The following SOAT2 variants were observed in gnomAD, a reference collection of about 807,000 sequenced individuals.
SOAT2 encodes ACAT-2.
SOAT2 carries 87 observed loss-of-function variants against 76.0 expected under a neutral mutation model. That is an observed-to-expected ratio of 1.14 (90% CI 0.96 to 1.37). SOAT2 has a LOEUF of 1.37. Ranked by LOEUF, SOAT2 falls within the 40% of genes most tolerant of loss-of-function variation. The pLI is 0.00. For synonymous variants in SOAT2, 285 were observed against 275.4 expected, an observed-to-expected ratio of 1.03 and a Z score of -0.34; for missense variants, 686 against 682.1, an observed-to-expected ratio of 1.01 and a Z score of -0.06.
chr12:53,119,103 G>A, intron 9 of SOAT2, 21 bp from the exon 10 acceptor site: 1 of 1,613,742 alleles, frequency 6.2e-7, no homozygotes, highest in Non-Finnish European at 8.5e-7. Context: ...CTCCAGTTAT[G>A]TGTCCCCATG....
chr12:53,115,623 C>T lies in SOAT2; in HGVS notation c.677C>T (p.Pro226Leu), dbSNP rs1411517537. The T allele has an allele frequency of 7.1e-6, 11 of 1,558,118 alleles. No homozygotes were observed. Among genetic ancestry groups the T allele is most frequent in the Admixed American group, 1.8e-5 (1 of 54,290 alleles). Residue 226 changes from proline (P) to leucine (L), a missense_variant, in exon 6 of 15, where the codon CCG (proline) becomes CTG (leucine). Coordinates refer to ENST00000301466, the MANE Select transcript of SOAT2 (RefSeq NM_003578.4). ...VHVAVEHQLP[P>L]ASRCVLVFEQ... ...GTGGCCGTGGAGCATCAGCTCCCGC[C>T]GGCCTCCCGTTGTGTCCTGGTCTTC...
At position 53,108,647 on chromosome 12, in the gene SOAT2, A is replaced by G. The variant is rs1301351878; in HGVS notation, c.443+2633A>G. 2.0e-5 allele frequency among the ~76,000 whole-genome samples: 3 copies of G among 152,216 alleles called. No individual in the cohort carries two copies. In the East Asian group the frequency reaches 5.8e-4, roughly 29 times the overall value. Reference sequence around the variant, plus strand: ...GCAAAAAGTGAAAAAGATCACTTCAATCTCCTTTTAGTTCAGTACATGCAG... The same window carrying G: ...GCAAAAAGTGAAAAAGATCACTTCAGTCTCCTTTTAGTTCAGTACATGCAG... On this transcript the variant is annotated intron_variant, in intron 5 of 14. Coordinates refer to ENST00000301466, the MANE Select transcript of SOAT2 (RefSeq NM_003578.4).
intron 5 of SOAT2, among the ~76,000 whole-genome samples, chr12:53,110,079 A>T (rs1474586693): frequency 6.6e-6 from 1 of 152,188 alleles, no homozygotes; most frequent in Non-Finnish European, 1.5e-5. Flanking sequence ...AACTTAAAAC[A>T]ATCCTTTTAC....
rs768536453 is a variant in SOAT2, at chr12:53,119,126, C to T, written c.912C>T (p.Ala304=). The T allele has an allele frequency of 1.2e-6, 2 of 1,613,844 alleles. No homozygotes were observed. Among genetic ancestry groups the T allele is most frequent in the Non-Finnish European group, 1.7e-6 (2 of 1,179,958 alleles). Residue 304 remains alanine (A), a splice_region_variant and synonymous_variant, in exon 10 of 15, where the codon GCC becomes GCT. Coordinates refer to ENST00000301466, the MANE Select transcript of SOAT2 (RefSeq NM_003578.4). ...ATGTGTCCCCATGCCCCCTCCAGGC[C>T]CTGGGATGTGTGCTCTATGCCTGCT... is the stretch of plus-strand genomic sequence containing the variant. ...WNYVAKNFAQ[A]LGCVLYACFI...
In SOAT2 at chr12:53,115,621, GCCGGCCTC is replaced by G. The variant is rs1044937690; in HGVS notation, c.679_686del (p.Ala227LeufsTer9). 9.6e-6 allele frequency: 15 copies of G among 1,559,186 alleles called. No homozygotes were observed. The highest frequency in any genetic ancestry group is 1.3e-5 in the Non-Finnish European group (15 of 1,159,472). Reference sequence around the variant, plus strand: ...ACGTGGCCGTGGAGCATCAGCTCCCGCCGGCCTCCCGTTGTGTCCTGGTCTTCGAGCAG... The same window carrying G: ...ACGTGGCCGTGGAGCATCAGCTCCCGCCGTTGTGTCCTGGTCTTCGAGCAG... On this transcript the variant is annotated frameshift_variant, in exon 6 of 15. Coordinates refer to ENST00000301466, the MANE Select transcript of SOAT2 (RefSeq NM_003578.4). LOFTEE classifies it high-confidence loss of function.
chr12:53,108,908 A>G (rs1937973580), intron 5 of SOAT2, among the ~76,000 whole-genome samples: 1 of 152,216 alleles, frequency 6.6e-6, no homozygotes, highest in African/African-American at 2.4e-5. Context: ...GACACAATTG[A>G]CAAGGAAATC....
rs568847906 is a variant in SOAT2 at position 53,115,648 on chromosome 12, C to G, written c.702C>G (p.Phe234Leu). ...LPPASRCVLV[F>L]EQVRFLMKSY... is the part of the protein sequence containing the mutation. ...CGGCCTCCCGTTGTGTCCTGGTCTT[C>G]GAGCAGGTGAGGGCCGAGCCCTGCT... The change falls in exon 6 of 15, where the codon TTC (phenylalanine) becomes TTG (leucine). Residue 234 changes from phenylalanine (F) to leucine (L), a missense_variant. Transcript: ENST00000301466. 10 of 1,533,370 alleles carry G rather than the reference C, an allele frequency of 6.5e-6. No individual in the cohort carries two copies. The South Asian group carries it at 9.8e-5, about 15-fold the overall frequency. 95.0% of individuals were successfully genotyped at this position (1,533,370 alleles called of 1,614,324 possible).
At chr12:53,123,585 C>T in intron 13 of SOAT2, 143 bp from the exon 14 acceptor site, 1 of 944,272 alleles carries the variant, frequency 1.1e-6, no homozygotes, top group Non-Finnish European at 1.6e-6. Context: ...CTTTAGACCT[C>T]TACGAATTTC....
In SOAT2 at chr12:53,105,920, G is replaced by A. The variant is rs563196731; in HGVS notation, c.349G>A (p.Val117Met). 46 of 1,506,444 alleles carry A rather than the reference G, an allele frequency of 3.1e-5. No individual in the cohort carries two copies. Among genetic ancestry groups the A allele is most frequent in the Admixed American group, 3.0e-4 (16 of 53,574 alleles). The allele number at this position is 1,506,444 out of a possible 1,614,324, so 93.3% of individuals were successfully genotyped here. The change falls in exon 5 of 15, where the codon GTG (valine) becomes ATG (methionine). Residue 117 changes from valine to methionine, a missense_variant. Physicochemically the swap from Val to Met is conservative, Grantham distance 21 (BLOSUM62 1). Transcript: ENST00000301466. ...RKSLLDELMEVQHFRTIYHMF... is the reference protein window; with the variant it reads ...RKSLLDELMEMQHFRTIYHMF... ...CTGTCCCTCTAGTGAGCTGATGGAG[G>A]TGCAGCATTTCCGCACCATCTACCA...
rs1565629867 is a variant in SOAT2 at position 53,123,762 on chromosome 12, C to T, written c.1407C>T (p.Thr469=). The change falls in exon 14 of 15, where the codon ACC becomes ACT. Residue 469 remains threonine, a synonymous_variant. Coordinates refer to ENST00000301466, the MANE Select transcript of SOAT2 (RefSeq NM_003578.4). ...ACTTCATGATGCATGACCAGCGCACCGGCCCGGCATGGAACGTGCTGATGT... is the reference window on the plus strand; with the variant it reads ...ACTTCATGATGCATGACCAGCGCACTGGCCCGGCATGGAACGTGCTGATGT... ...MLNFMMHDQR[T]GPAWNVLMWT... is the part of the protein sequence containing the mutation. 3.7e-6 allele frequency: 6 copies of T among 1,614,140 alleles called. No homozygotes were observed. The highest frequency in any genetic ancestry group is 2.2e-5 in the South Asian group (2 of 91,080).
At chr12:53,122,953 G>A (rs919616537) in intron 12 of SOAT2, 128 bp from the exon 13 acceptor site, 9 of 1,041,842 alleles carry the variant, frequency 8.6e-6, no homozygotes, top group Non-Finnish European at 1.2e-5. Context: ...CGGCTGGCCG[G>A]GCGGGGGGCT....
At chr12:53,119,402 G>A in intron 10 of SOAT2, 149 bp downstream of exon 10, 1 of 862,168 alleles carries the variant, frequency 1.2e-6, no homozygotes, top group Non-Finnish European at 1.8e-6. Flanking sequence ...CCATTGCCAT[G>A]GTCTCAGTTC....
chr12:53,121,470 C>T, intron 12 of SOAT2, 69 bp downstream of exon 12: 1 of 1,297,616 alleles, frequency 7.7e-7, no homozygotes, highest in Non-Finnish European at 1.1e-6. Context: ...CTCTCCTTCC[C>T]TCCTGCTACA....
chr12:53,121,548 C>T, intron 12 of SOAT2, 147 bp downstream of exon 12: 2 of 638,320 alleles, frequency 3.1e-6, no homozygotes, highest in South Asian at 3.8e-5. Flanking sequence ...CTCATTTTCT[C>T]ATTTTACCCA....
chr12:53,103,804 C>A, intron 1 of SOAT2, 145 bp downstream of exon 1: 1 of 679,838 alleles, frequency 1.5e-6, no homozygotes, highest in Non-Finnish European at 2.4e-6. Context: ...CTGGCCTCAG[C>A]CCAGAGCCAC....
At chr12:53,106,594 G>A (rs540546178) in intron 5 of SOAT2, among the ~76,000 whole-genome samples, 2 of 152,346 alleles carry the variant, frequency 1.3e-5, no homozygotes, top group Admixed American at 1.3e-4. Context: ...GGTTGGGGCT[G>A]CTATTTCTCA....
At chr12:53,103,851 A>C (rs927236138) in intron 1 of SOAT2, among the ~76,000 whole-genome samples, 192 bp downstream of exon 1, 1 of 152,206 alleles carries the variant, frequency 6.6e-6, no homozygotes, top group Non-Finnish European at 1.5e-5. Context: ...GCTATGTCAG[A>C]GCTGTGGCCT....
chr12:53,120,223 A>C (rs1236110571), intron 10 of SOAT2, among the ~76,000 whole-genome samples: 1 of 152,166 alleles, frequency 6.6e-6, no homozygotes, highest in Non-Finnish European at 1.5e-5. Flanking sequence ...TAATCCCAGC[A>C]CTTTGGGAGG....
rs1036943674 is a variant in SOAT2 at position 53,103,584 on chromosome 12, C to A, written c.7C>A (p.Pro3Thr). 3.2e-6 allele frequency: 5 copies of A among 1,546,184 alleles called. No individual in the cohort carries two copies. In the African/African-American group the frequency reaches 5.5e-5, roughly 17 times the overall value. The change falls in exon 1 of 15, where the codon CCA becomes ACA. Residue 3 changes from proline (P) to threonine (T), a missense_variant. Pro to Thr is a conservative substitution (Grantham distance 38, BLOSUM62 -1). Transcript: ENST00000301466. ME[P>T]GGARLRLQRT... ...GCCCGCTGGAGACCGCACCATGGAG[C>A]CAGGCGGGGCCCGTCTGCGTCTGCA...
Sources: allele counts gnomAD v4.1 joint callset (sites outside exome capture counted in the v4.1 genomes callset), GRCh38; gene constraint gnomAD v4.1.1; transcripts MANE v1.5; gene names NCBI Gene and HGNC (gene_info 2026-07-23, HGNC 2026-07-21).